Variants in AMH observed in about 807,000 individuals in gnomAD.
The protein encoded by AMH is anti-Mullerian hormone, also known as anti-Muellerian hormone.
In AMH, 39 loss-of-function variants were observed where a neutral mutation model predicts 33.3. The observed-to-expected ratio is 1.17, with a 90% CI of 0.91 to 1.53. The LOEUF (loss-of-function observed/expected upper bound fraction) is 1.53, where lower values mean the gene tolerates loss of function less well. Among genes scored for constraint, AMH ranks in the 40% most tolerant of loss-of-function variants. The probability of loss-of-function intolerance (pLI) is 0.00; values close to 1 mark genes in which losing one functional copy is unlikely to be tolerated. For missense variants in AMH, 1,019 were observed against 799.8 expected, an observed-to-expected ratio of 1.27 and a Z score of -3.30; for synonymous variants, 536 against 403.0, an observed-to-expected ratio of 1.33 and a Z score of -3.95.
chr19:2,251,194 G>A lies in AMH; in HGVS notation c.920G>A (p.Arg307Gln), dbSNP rs1216345377. The change falls in exon 5 of 5, where the codon CGG (arginine) becomes CAG (glutamine). Residue 307 changes from arginine (R) to glutamine (Q), a missense_variant. Transcript: ENST00000221496. Reference protein sequence around the residue: ...LVRALRVPPARASAPRLALDP... With the variant: ...LVRALRVPPAQASAPRLALDP... ...CGGGCGCTGCGGGTCCCCCCGGCCC[G>A]GGCCTCCGCGCCGCGCCTGGCCCTG... 27 of 1,507,010 alleles carry A rather than the reference G, an allele frequency of 1.8e-5. 1 individual carries two copies. The South Asian group carries it at 2.6e-4, about 14-fold the overall frequency. 93.4% of individuals were successfully genotyped at this position (1,507,010 alleles called of 1,614,324 possible).
Position 2,251,012 on chromosome 19 carries a change from C to T in AMH, c.824+4C>T. On this transcript the variant is annotated splice_donor_region_variant and intron_variant, in intron 4 of 4. Coordinates refer to ENST00000221496, the MANE Select transcript of AMH (RefSeq NM_000479.5). ...CCGTGCCCTTCCCGCCGCCCAGGTG[C>T]GCGCAGGCACCGGGACACGGGGCAG... is the stretch of plus-strand genomic sequence containing the variant. The T allele has an allele frequency of 1.3e-6, 2 of 1,514,760 alleles. No individual in the cohort carries two copies. Among genetic ancestry groups the T allele is most frequent in the Non-Finnish European group, 1.8e-6 (2 of 1,138,054 alleles). 93.8% of individuals were successfully genotyped at this position (1,514,760 alleles called of 1,614,324 possible). A position where few individuals can be genotyped will look rare whatever the true frequency, so the allele number is the denominator to read the frequency against.
Position 2,250,777 on chromosome 19 carries a change from A to G in AMH, c.664+17A>G. On this transcript the variant is annotated intron_variant, in intron 3 of 4. Transcript: ENST00000221496. ...GCGGAGAGGGTAGGTCCGCGTGGAG[A>G]GGGACGGGGAGCCGGGTCGACTGCC... 1 of 1,534,720 alleles carries G rather than the reference A, an allele frequency of 6.5e-7. No homozygotes were observed.
chr19:2,251,186 C>T lies in AMH; in HGVS notation c.912C>T (p.Pro304=), dbSNP rs1476399249. ...GCCTGGTGCGGGCGCTGCGGGTCCC[C>T]CCGGCCCGGGCCTCCGCGCCGCGCC... ...LTRLVRALRV[P]PARASAPRLA... is the part of the protein sequence containing the mutation. Residue 304 remains proline (P), a synonymous_variant, in exon 5 of 5, where the codon CCC becomes CCT. Coordinates refer to ENST00000221496, the MANE Select transcript of AMH (RefSeq NM_000479.5). The T allele has an allele frequency of 6.6e-7, 1 of 1,510,360 alleles. No homozygotes were observed. Among genetic ancestry groups the T allele is most frequent in the East Asian group, 2.6e-5 (1 of 38,158 alleles). 93.6% of individuals were successfully genotyped at this position (1,510,360 alleles called of 1,614,324 possible).
Position 2,251,800 on chromosome 19 carries a change from T to G in AMH, c.1526T>G (p.Leu509Arg), listed in dbSNP as rs762469878. Residue 509 changes from leucine to arginine, a missense_variant, in exon 5 of 5, where the codon CTG (leucine) becomes CGG (arginine). Coordinates refer to ENST00000221496, the MANE Select transcript of AMH (RefSeq NM_000479.5). ...RNPRYGNHVV[L>R]LLKMQVRGAA... ...CCGCGCTACGGCAACCACGTGGTGCTGCTGCTGAAGATGCAGGTCCGTGGG... is the reference window on the plus strand; with the variant it reads ...CCGCGCTACGGCAACCACGTGGTGCGGCTGCTGAAGATGCAGGTCCGTGGG... The G allele has an allele frequency of 6.2e-7, 1 of 1,609,082 alleles. No homozygotes were observed. The highest frequency in any genetic ancestry group is 1.1e-5 in the South Asian group (1 of 90,992).
chr19:2,250,922 C>T lies in AMH; in HGVS notation c.738C>T (p.Thr246=). 1 of 1,561,440 alleles carries T rather than the reference C, an allele frequency of 6.4e-7. No individual in the cohort carries two copies. Among genetic ancestry groups the T allele is most frequent in the Non-Finnish European group, 8.6e-7 (1 of 1,162,242 alleles). ...ACCACCGCTGCTTCACACGGATGAC[C>T]CCGGCCCTGCTCCTGCTGCCGCGGT... The part of the protein sequence containing the change: ...GDDHRCFTRM[T]PALLLLPRSE... The change falls in exon 4 of 5, where the codon ACC becomes ACT. Residue 246 remains threonine, a synonymous_variant. Coordinates refer to ENST00000221496, the MANE Select transcript of AMH (RefSeq NM_000479.5).
rs781584095 is a variant in AMH at position 2,251,487 on chromosome 19, G to C, written c.1213G>C (p.Ala405Pro). 4.6e-5 allele frequency: 63 copies of C among 1,379,604 alleles called. No homozygotes were observed. Among genetic ancestry groups the C allele is most frequent in the Non-Finnish European group, 5.5e-5 (59 of 1,073,086 alleles). 85.5% of individuals were successfully genotyped at this position (1,379,604 alleles called of 1,614,324 possible). A position where few individuals can be genotyped will look rare whatever the true frequency, so the allele number is the denominator to read the frequency against. ...GLPPATAPLL[A>P]RLLALCPGGP... ...GCCTCCGGCCACAGCCCCGCTGCTG[G>C]CGCGCCTGCTCGCGCTCTGCCCAGG... is the stretch of plus-strand genomic sequence containing the variant. Residue 405 changes from alanine (A) to proline (P), a missense_variant, in exon 5 of 5, where the codon GCG (alanine) becomes CCG (proline). Physicochemically the swap from Ala to Pro is conservative, Grantham distance 27. Transcript: ENST00000221496.
In AMH at chr19:2,251,877, C is replaced by T. The variant is rs753778570; in HGVS notation, c.1603C>T (p.Leu535=). The change falls in exon 5 of 5, where the codon CTG becomes TTG. Residue 535 remains leucine (L), a synonymous_variant. Transcript: ENST00000221496. Reference sequence around the variant, plus strand: ...CGTGCCCACCGCCTACGCGGGCAAGCTGCTCATCAGCCTGTCGGAGGAGCG... The same window carrying T: ...CGTGCCCACCGCCTACGCGGGCAAGTTGCTCATCAGCCTGTCGGAGGAGCG... The part of the protein sequence containing the change: ...CCVPTAYAGK[L]LISLSEERIS... The T allele has an allele frequency of 4.4e-6, 7 of 1,585,128 alleles. No homozygotes were observed. The East Asian group carries it at 1.4e-4, about 31-fold the overall frequency.
intron 1 of AMH, 138 bp downstream of exon 1, chr19:2,249,882 G>C (rs144220406): frequency 2.2e-5 from 23 of 1,055,286 alleles, no homozygotes; most frequent in African/African-American, 4.8e-5. Context: ...ACTGGGTTGC[G>C]GGTCCGTGGC....
Position 2,252,065 on chromosome 19 carries a change from G to A in AMH, c.*108G>A. Reference sequence around the variant, plus strand: ...GCATCGCCCCAATAAAGACCAGCAAGCAACCGGCTGGGGTGTCCGTGCGTG... The same window carrying A: ...GCATCGCCCCAATAAAGACCAGCAAACAACCGGCTGGGGTGTCCGTGCGTG... On this transcript the variant is annotated 3_prime_UTR_variant, in exon 5 of 5. Coordinates refer to ENST00000221496, the MANE Select transcript of AMH (RefSeq NM_000479.5). 2 of 1,471,552 alleles carry A rather than the reference G, an allele frequency of 1.4e-6. No homozygotes were observed. The highest frequency in any genetic ancestry group is 1.8e-6 in the Non-Finnish European group (2 of 1,098,570). The allele number at this position is 1,471,552 out of a possible 1,614,324, so 91.2% of individuals were successfully genotyped here.
At position 2,249,449 on chromosome 19, in the gene AMH, C is replaced by T; in HGVS notation, c.117C>T (p.Phe39=). The T allele has an allele frequency of 6.2e-7, 1 of 1,604,964 alleles. No individual in the cohort carries two copies. The highest frequency in any genetic ancestry group is 8.5e-7 in the Non-Finnish European group (1 of 1,176,508). The change falls in exon 1 of 5, where the codon TTC becomes TTT. Residue 39 remains phenylalanine, a synonymous_variant. Coordinates refer to ENST00000221496, the MANE Select transcript of AMH (RefSeq NM_000479.5). ...EPAVGTSGLI[F]REDLDWPPGS... is the part of the protein sequence containing the mutation. Reference sequence around the variant, plus strand: ...CTGTGGGCACCAGTGGCCTCATCTTCCGAGAAGACTTGGACTGGCCTCCAG... The same window carrying T: ...CTGTGGGCACCAGTGGCCTCATCTTTCGAGAAGACTTGGACTGGCCTCCAG...
In AMH at chr19:2,251,587, G is replaced by A; in HGVS notation, c.1313G>A (p.Trp438Ter). The change falls in exon 5 of 5, where the codon TGG (tryptophan) becomes TAG (stop). Residue 438 changes from tryptophan (W) to a stop codon, truncating the protein, a stop_gained. Transcript: ENST00000221496. LOFTEE classifies it high-confidence loss of function. ...LKALQGLRVE[W>*]RGRDPRGPGR... ...GCGCTGCAGGGCCTGCGCGTGGAGT[G>A]GCGCGGGCGGGATCCGCGCGGGCCG... 7.8e-7 allele frequency: 1 copy of A among 1,285,406 alleles called. No homozygotes were observed. 79.6% of individuals were successfully genotyped at this position (1,285,406 alleles called of 1,614,324 possible). A position where few individuals can be genotyped will look rare whatever the true frequency, so the allele number is the denominator to read the frequency against.
rs558432762 is a variant in AMH, at chr19:2,251,239, G to T, written c.965G>T (p.Gly322Val). The change falls in exon 5 of 5, where the codon GGC (glycine) becomes GTC (valine). Residue 322 changes from glycine (G) to valine (V), a missense_variant. By Grantham distance (109) the Gly-to-Val change is moderately radical (BLOSUM62 -3). Coordinates refer to ENST00000221496, the MANE Select transcript of AMH (RefSeq NM_000479.5). The part of the protein sequence containing the change: ...RLALDPDALA[G>V]FPQGLVNLSD... ...GCCCTGGATCCGGACGCGCTGGCCG[G>T]CTTCCCGCAGGGCCTAGTCAACCTG... is the stretch of plus-strand genomic sequence containing the variant. 140 of 1,502,552 alleles carry T rather than the reference G, an allele frequency of 9.3e-5. No individual in the cohort carries two copies. The South Asian group carries it at 1.7e-3, about 18-fold the overall frequency. 93.1% of individuals were successfully genotyped at this position (1,502,552 alleles called of 1,614,324 possible).
At chr19:2,249,951 C>T (rs1409881049) in intron 1 of AMH, 11 of 671,700 alleles carry the variant, frequency 1.6e-5, no homozygotes, top group African/African-American at 9.1e-5. Context: ...AGACTTGCCC[C>T]TGCCTCGGTG....
chr19:2,249,799 G>A, intron 1 of AMH, 55 bp downstream of exon 1: 1 of 1,444,096 alleles, frequency 6.9e-7, no homozygotes, highest in Non-Finnish European at 9.1e-7. Flanking sequence ...AGGTGGGCCG[G>A]GTCCTCCTAG....
rs1338380788 is a variant in AMH at position 2,251,473 on chromosome 19, C to T, written c.1199C>T (p.Thr400Ile). Residue 400 changes from threonine to isoleucine, a missense_variant, in exon 5 of 5, where the codon ACA becomes ATA. Transcript: ENST00000221496. ...LRSLPGLPPA[T>I]APLLARLLAL... is the part of the protein sequence containing the mutation. ...AGCCTCCCGGGTCTGCCTCCGGCCA[C>T]AGCCCCGCTGCTGGCGCGCCTGCTC... The T allele has an allele frequency of 2.1e-6, 3 of 1,403,590 alleles. No individual in the cohort carries two copies. The highest frequency in any genetic ancestry group is 3.1e-5 in the Admixed American group (1 of 31,858). The allele number at this position is 1,403,590 out of a possible 1,614,324, so 86.9% of individuals were successfully genotyped here. A position where few individuals can be genotyped will look rare whatever the true frequency, so the allele number is the denominator to read the frequency against.
intron 1 of AMH, 117 bp from the exon 2 acceptor site, chr19:2,250,220 C>G (rs2025004331): frequency 2.0e-6 from 3 of 1,486,038 alleles, no homozygotes; most frequent in South Asian, 2.4e-5. Flanking sequence ...GAGGGGCACC[C>G]TTGTCCCCCG....
rs1282824220 is a variant in AMH at position 2,251,556 on chromosome 19, C to T, written c.1282C>T (p.Leu428=). 3.0e-6 allele frequency: 4 copies of T among 1,328,896 alleles called. No homozygotes were observed. Among genetic ancestry groups the T allele is most frequent in the Non-Finnish European group, 3.8e-6 (4 of 1,041,788 alleles). 82.3% of individuals were successfully genotyped at this position (1,328,896 alleles called of 1,614,324 possible). A position where few individuals can be genotyped will look rare whatever the true frequency, so the allele number is the denominator to read the frequency against. Residue 428 remains leucine, a synonymous_variant, in exon 5 of 5, where the codon CTG becomes TTG. Transcript: ENST00000221496. The stretch of plus-strand genomic sequence containing the variant: ...CGATCCCCTGCGAGCGCTGCTGCTC[C>T]TGAAGGCGCTGCAGGGCCTGCGCGT... ...LGDPLRALLL[L]KALQGLRVEW...
At position 2,249,334 on chromosome 19, in the gene AMH, T is replaced by TG. The variant is rs2024985658; in HGVS notation, c.3dup (p.Arg2_?1). The TG allele has an allele frequency of 1.3e-6, 2 of 1,563,866 alleles. No homozygotes were observed. Among genetic ancestry groups the TG allele is most frequent in the Non-Finnish European group, 8.6e-7 (1 of 1,156,876 alleles). ...GCCCAGCCCCTGGCAGCACCCACGA[T>TG]GCGGGACCTGCCTCTCACCAGCCTG... On this transcript the variant is annotated frameshift_variant and start_lost, in exon 1 of 5. Coordinates refer to ENST00000221496, the MANE Select transcript of AMH (RefSeq NM_000479.5). LOFTEE classifies it high-confidence loss of function.
chr19:2,250,792 G>A, intron 3 of AMH, 32 bp downstream of exon 3: 1 of 1,535,936 alleles, frequency 6.5e-7, no homozygotes, highest in Non-Finnish European at 8.7e-7. Context: ...CGGGGAGCCG[G>A]GTCGACTGCC....
Sources: gnomAD v4.1 joint callset for allele counts on GRCh38, gnomAD v4.1.1 for gene constraint, MANE v1.5 for transcripts, NCBI Gene and HGNC (gene_info 2026-07-23, HGNC 2026-07-21) for gene names.